The following CFHR5 variants were observed in gnomAD, a reference collection of about 807,000 sequenced individuals.
CFHR5 encodes the protein complement factor H-related protein 5.
Under a neutral mutation model 62.9 loss-of-function variants are expected in CFHR5, and 73 were observed. That is an observed-to-expected ratio of 1.16 (90% CI 0.96 to 1.41). CFHR5 has a LOEUF of 1.41. Ranked by LOEUF, CFHR5 falls within the 40% of genes most tolerant of loss-of-function variation. CFHR5 has a pLI of 0.00. For synonymous variants in CFHR5, 249 were observed against 227.2 expected (o/e 1.10, Z -0.86); for missense variants, 779 against 679.9 (o/e 1.15, Z -1.62).
Position 196,982,912 on chromosome 1 carries a change from A to G in CFHR5, c.86A>G (p.His29Arg). Reference protein sequence around the residue: ...EGTLCDFPKIHHGFLYDEEDY... With the variant: ...EGTLCDFPKIRHGFLYDEEDY... ...ACACTTTGTGATTTTCCAAAAATACACCATGGATTTCTGTATGATGAAGAA... is the reference window on the plus strand; with the variant it reads ...ACACTTTGTGATTTTCCAAAAATACGCCATGGATTTCTGTATGATGAAGAA... The change falls in exon 2 of 10, where the codon CAC becomes CGC. Residue 29 changes from histidine to arginine, a missense_variant. Coordinates refer to ENST00000256785, the MANE Select transcript of CFHR5 (RefSeq NM_030787.4). 3 of 1,614,052 alleles carry G rather than the reference A, an allele frequency of 1.9e-6. No homozygotes were observed. Among genetic ancestry groups the G allele is most frequent in the Non-Finnish European group, 2.5e-6 (3 of 1,179,984 alleles).
rs772242835 is a variant in CFHR5, at chr1:196,984,132, T to C, written c.425T>C (p.Phe142Ser). The stretch of plus-strand genomic sequence containing the variant: ...TGGTCCACTCCTCCCATATGCAGCT[T>C]CACTAGTAAGCAAAATACCACTCTC... ...RGWSTPPICS[F>S]TKGECHVPIL... Residue 142 changes from phenylalanine to serine, a missense_variant, in exon 3 of 10, where the codon TTC becomes TCC. Transcript: ENST00000256785. 1 of 1,612,868 alleles carries C rather than the reference T, an allele frequency of 6.2e-7. No homozygotes were observed. The highest frequency in any genetic ancestry group is 8.5e-7 in the Non-Finnish European group (1 of 1,179,178).
intron 3 of CFHR5, among the ~76,000 whole-genome samples, chr1:196,989,580 C>T (rs569831450): frequency 3.9e-5 from 6 of 152,196 alleles, no homozygotes; most frequent in African/African-American, 1.4e-4. Flanking sequence ...GCTTTGTTCT[C>T]CTTGGTTTCA....
rs559647040 is a variant in CFHR5, at chr1:197,008,906, A to G, written c.*223A>G. ...TTAGTCCATATTACATTGTTATAAC[A>G]GAGTATCACAGACTGGATAACTTCT... On this transcript the variant is annotated 3_prime_UTR_variant, in exon 10 of 10. Transcript: ENST00000256785. 3 of 491,590 alleles carry G rather than the reference A, an allele frequency of 6.1e-6. No homozygotes were observed. 30.5% of individuals were successfully genotyped at this position (491,590 alleles called of 1,614,324 possible).
At chr1:197,001,036 T>C (rs1356011167) in intron 7 of CFHR5, among the ~76,000 whole-genome samples, 1 of 152,200 alleles carries the variant, frequency 6.6e-6, no homozygotes, top group Non-Finnish European at 1.5e-5. Context: ...AATATCAGGC[T>C]AATTTTATTT....
chr1:196,984,138 G>A lies in CFHR5; in HGVS notation c.430+1G>A. 1.2e-6 allele frequency: 2 copies of A among 1,612,218 alleles called. No individual in the cohort carries two copies. Among genetic ancestry groups the A allele is most frequent in the Non-Finnish European group, 1.7e-6 (2 of 1,178,526 alleles). On this transcript the variant is annotated splice_donor_variant, in intron 3 of 9. Transcript: ENST00000256785. LOFTEE classifies it high-confidence loss of function. ...ACTCCTCCCATATGCAGCTTCACTA[G>A]TAAGCAAAATACCACTCTCTCAGTT...
intron 6 of CFHR5, 43 bp from the exon 7 acceptor site, chr1:196,998,085 T>G: frequency 2.5e-6 from 3 of 1,198,900 alleles, no homozygotes; most frequent in Non-Finnish European, 3.6e-6. Flanking sequence ...AGATATTTTA[T>G]TGACATAATT....
At chr1:197,005,874 A>G (rs1346742600) in intron 9 of CFHR5, among the ~76,000 whole-genome samples, 1 of 152,116 alleles carries the variant, frequency 6.6e-6, no homozygotes, top group African/African-American at 2.4e-5. Context: ...GCTTCAAACC[A>G]CTACTCTGTG....
chr1:196,985,700 A>G (rs975915470), intron 3 of CFHR5, among the ~76,000 whole-genome samples: 1 of 152,182 alleles, frequency 6.6e-6, no homozygotes, highest in East Asian at 1.9e-4. Context: ...TGACAAATTA[A>G]GTTTGGCCAG....
At chr1:197,007,469 G>A (rs1164231248) in intron 9 of CFHR5, among the ~76,000 whole-genome samples, 1 of 151,872 alleles carries the variant, frequency 6.6e-6, no homozygotes, top group Non-Finnish European at 1.5e-5. Context: ...AAATTTCAGT[G>A]AAGTGTCAAT....
rs1213200483 is a variant in CFHR5 at position 196,994,254 on chromosome 1, A to G, written c.605A>G (p.Lys202Arg). The change falls in exon 4 of 10, where the codon AAA (lysine) becomes AGA (arginine). Residue 202 changes from lysine to arginine, a missense_variant and splice_region_variant. Transcript: ENST00000256785. ...FGWSPNFPTC[K>R]GQVRSCGPPP... ...TGGTCACCTAACTTTCCAACATGCA[A>G]AGGTCAGTATTTATTTTAGAAGTGA... is the stretch of plus-strand genomic sequence containing the variant. The G allele has an allele frequency of 6.2e-7, 1 of 1,609,692 alleles. No individual in the cohort carries two copies.
chr1:196,995,584 CA>C (rs202052182), intron 4 of CFHR5, 132 bp from the exon 5 acceptor site: 1 of 743,276 alleles, frequency 1.3e-6, no homozygotes, highest in Admixed American at 2.1e-5. Context: ...ATGTACACTG[CA>C]AAAAACACAT....
At chr1:196,993,854 G>T (rs746509536) in intron 3 of CFHR5, among the ~76,000 whole-genome samples, 1 of 152,050 alleles carries the variant, frequency 6.6e-6, no homozygotes, top group Non-Finnish European at 1.5e-5. Context: ...ATCCTGAAAA[G>T]ATTCTCATAG....
intron 3 of CFHR5, among the ~76,000 whole-genome samples, chr1:196,985,032 G>A (rs1653644700): frequency 2.0e-5 from 3 of 152,064 alleles, no homozygotes; most frequent in African/African-American, 2.4e-5. Flanking sequence ...TCTGTACTGG[G>A]TGATTTCCAG....
At chr1:196,986,903 C>A (rs1653697813) in intron 3 of CFHR5, among the ~76,000 whole-genome samples, 1 of 152,112 alleles carries the variant, frequency 6.6e-6, no homozygotes, top group African/African-American at 2.4e-5. Context: ...ATCACTGGGT[C>A]AAATGGTATT....
At chr1:196,995,092 A>G (rs1005487159) in intron 4 of CFHR5, among the ~76,000 whole-genome samples, 1 of 152,188 alleles carries the variant, frequency 6.6e-6, no homozygotes, top group Admixed American at 6.5e-5. Context: ...TATTAATAAA[A>G]GTTATAACTA....
chr1:196,975,232 G>A (rs1653369409), upstream of CFHR5, among the ~76,000 whole-genome samples: 2 of 152,162 alleles, frequency 1.3e-5, no homozygotes, highest in South Asian at 4.2e-4. Flanking sequence ...TTTAAGCGTA[G>A]TGTTGGGAAT....
chr1:196,979,534 A>G (rs1653483369), intron 1 of CFHR5, among the ~76,000 whole-genome samples: 2 of 152,188 alleles, frequency 1.3e-5, no homozygotes, highest in African/African-American at 4.8e-5. Flanking sequence ...AAAAGGTACA[A>G]TAAAAATACA....
At chr1:196,988,377 A>T (rs1653751854) in intron 3 of CFHR5, among the ~76,000 whole-genome samples, 1 of 152,082 alleles carries the variant, frequency 6.6e-6, no homozygotes, top group South Asian at 2.1e-4. Flanking sequence ...CTCCTGCCTG[A>T]TTGCCCTGGC....
chr1:196,975,843 G>T (rs1653384523), upstream of CFHR5, among the ~76,000 whole-genome samples: 1 of 152,166 alleles, frequency 6.6e-6, no homozygotes, highest in South Asian at 2.1e-4. Context: ...TATTTGCAAA[G>T]GATTGAGGTT....
Sources: gnomAD v4.1 joint callset for allele counts (sites outside exome capture counted in the v4.1 genomes callset) on GRCh38, gnomAD v4.1.1 for gene constraint, MANE v1.5 for transcripts, NCBI Gene and HGNC (gene_info 2026-07-23, HGNC 2026-07-21) for gene names.